The following FHIT variants were observed in gnomAD, a reference collection of about 807,000 sequenced individuals.
FHIT encodes fragile histidine triad diadenosine triphosphatase.
FHIT carries 19 observed loss-of-function variants against 17.9 expected under a neutral mutation model. The ratio of observed to expected loss-of-function variants is 1.06; its 90% CI spans 0.74 to 1.56. FHIT has a LOEUF of 1.56. Ranked by LOEUF, FHIT falls within the 40% of genes most tolerant of loss-of-function variation. The probability of loss-of-function intolerance (pLI) is 0.00; values close to 1 mark genes in which losing one functional copy is unlikely to be tolerated. For synonymous variants in FHIT, 81 were observed against 69.7 expected (o/e 1.16, Z -0.81); for missense variants, 248 against 189.2 (o/e 1.31, Z -1.82).
chr3:60,239,037 G>C (rs1250577843), intron 5 of FHIT, among the ~76,000 whole-genome samples: 1 of 152,104 alleles, frequency 6.6e-6, no homozygotes, highest in African/African-American at 2.4e-5. Context: ...TATATACTTA[G>C]CCCAGGTCTG....
At chr3:61,096,625 T>C (rs1576005148) in intron 2 of FHIT, among the ~76,000 whole-genome samples, 1 of 152,326 alleles carries the variant, frequency 6.6e-6, no homozygotes. Flanking sequence ...AAGCCTGGGC[T>C]GCTTTACTCT....
intron 8 of FHIT, among the ~76,000 whole-genome samples, chr3:59,843,279 TA>T (rs1245954476): frequency 6.6e-6 from 1 of 152,208 alleles, no homozygotes; most frequent in African/African-American, 2.4e-5. Context: ...CATTGATGTA[TA>T]AATCTATCTT....
intron 3 of FHIT, among the ~76,000 whole-genome samples, chr3:61,039,431 C>T (rs886718037): frequency 2.6e-5 from 4 of 152,082 alleles, no homozygotes; most frequent in Non-Finnish European, 5.9e-5. Flanking sequence ...CCCTTGTGCC[C>T]TATATTCTTT....
chr3:60,203,652 T>C (rs917618327), intron 5 of FHIT, among the ~76,000 whole-genome samples: 3 of 152,164 alleles, frequency 2.0e-5, no homozygotes, highest in Non-Finnish European at 2.9e-5. Context: ...TTGGAACTGA[T>C]CTTTAAGAAC....
At chr3:60,237,202 G>A (rs1479368670) in intron 5 of FHIT, among the ~76,000 whole-genome samples, 3 of 151,574 alleles carry the variant, frequency 2.0e-5, no homozygotes, top group Non-Finnish European at 4.4e-5. Flanking sequence ...CCCAGAGTAT[G>A]GAACTGTTTA....
intron 5 of FHIT, among the ~76,000 whole-genome samples, chr3:60,465,583 G>C (rs1426175784): frequency 6.6e-6 from 1 of 151,932 alleles, no homozygotes; most frequent in African/African-American, 2.4e-5. Flanking sequence ...AAGAGATAGG[G>C]GTCTAGTTTT....
chr3:60,445,545 A>C (rs2031271118), intron 5 of FHIT, among the ~76,000 whole-genome samples: 1 of 152,136 alleles, frequency 6.6e-6, no homozygotes, highest in Non-Finnish European at 1.5e-5. Flanking sequence ...ACTCTGGTTT[A>C]CGAAGGCCTA....
intron 5 of FHIT, among the ~76,000 whole-genome samples, chr3:60,284,000 A>G (rs17062684): frequency 0.26 from 38,843 of 151,930 alleles, 5,721 homozygotes; most frequent in East Asian, 0.7. Flanking sequence ...ATAGCCATTA[A>G]GTTGAGATAG....
chr3:60,430,222 G>A (rs886957460), intron 5 of FHIT, among the ~76,000 whole-genome samples: 25 of 152,006 alleles, frequency 1.6e-4, no homozygotes, highest in African/African-American at 5.6e-4. Flanking sequence ...AGAATAGAGC[G>A]AGTAACCAGT....
chr3:60,083,564 A>T (rs539522454), intron 5 of FHIT, among the ~76,000 whole-genome samples: 132 of 152,174 alleles, frequency 8.7e-4, no homozygotes, highest in Middle Eastern at 3.2e-3. Context: ...AATGATACTG[A>T]TTCTTCCAAT....
At chr3:60,191,360 C>G (rs1702395627) in intron 5 of FHIT, among the ~76,000 whole-genome samples, 1 of 152,152 alleles carries the variant, frequency 6.6e-6, no homozygotes, top group South Asian at 2.1e-4. Context: ...GTTGACTAGT[C>G]TCGTACTTAG....
intron 7 of FHIT, among the ~76,000 whole-genome samples, chr3:59,951,656 C>G (rs189617869): frequency 1.6e-4 from 24 of 152,202 alleles, no homozygotes; most frequent in Admixed American, 1.4e-3. Flanking sequence ...CTTTCTTGCT[C>G]ACACCATACC....
At chr3:60,584,269 T>A (rs551965678) in intron 4 of FHIT, among the ~76,000 whole-genome samples, 1 of 152,194 alleles carries the variant, frequency 6.6e-6, no homozygotes, top group Admixed American at 6.6e-5. Context: ...GAAATGTGTA[T>A]TCACAAGTGT....
intron 8 of FHIT, among the ~76,000 whole-genome samples, chr3:59,762,855 G>C (rs967167933): frequency 9.2e-5 from 14 of 152,252 alleles, no homozygotes; most frequent in African/African-American, 3.1e-4. Context: ...AAACTGGTGA[G>C]GCAAAAGGGA....
chr3:60,671,842 T>C (rs2040513447), intron 4 of FHIT, among the ~76,000 whole-genome samples: 1 of 151,396 alleles, frequency 6.6e-6, no homozygotes, highest in South Asian at 2.1e-4. Context: ...CCCAGCTACT[T>C]GGCAGGCTGA....
At chr3:59,867,601 C>T (rs868269969) in intron 8 of FHIT, among the ~76,000 whole-genome samples, 4 of 151,960 alleles carry the variant, frequency 2.6e-5, no homozygotes, top group African/African-American at 7.3e-5. Flanking sequence ...TCCCCTTTTT[C>T]TGCTTGTGTG....
At chr3:60,087,692 C>A (rs1211036539) in intron 5 of FHIT, among the ~76,000 whole-genome samples, 1 of 152,200 alleles carries the variant, frequency 6.6e-6, no homozygotes, top group Non-Finnish European at 1.5e-5. Flanking sequence ...TACTATGTAA[C>A]AAGGGTGACA....
intron 5 of FHIT, among the ~76,000 whole-genome samples, chr3:60,311,679 C>G (rs1708953631): frequency 6.6e-6 from 1 of 152,146 alleles, no homozygotes; most frequent in Admixed American, 6.5e-5. Context: ...GTGTTGTCTA[C>G]CATTCTGAGC....
At chr3:60,390,201 A>T (rs1462343240) in intron 5 of FHIT, among the ~76,000 whole-genome samples, 2 of 152,118 alleles carry the variant, frequency 1.3e-5, no homozygotes, top group African/African-American at 4.8e-5. Flanking sequence ...TATCTGAGTA[A>T]CAATATATGG....
Sources: gnomAD v4.1 joint callset for allele counts (sites outside exome capture counted in the v4.1 genomes callset) on GRCh38, gnomAD v4.1.1 for gene constraint, MANE v1.5 for transcripts, NCBI Gene and HGNC (gene_info 2026-07-23, HGNC 2026-07-21) for gene names.